PDGFC: variants seen among roughly 807,000 people sequenced by gnomAD.
PDGFC encodes platelet-derived growth factor C.
Under a neutral mutation model 35.5 loss-of-function variants are expected in PDGFC, and 12 were observed. That is an observed-to-expected ratio of 0.34 (90% CI 0.22 to 0.55). The LOEUF (loss-of-function observed/expected upper bound fraction) is 0.55, where lower values mean the gene tolerates loss of function less well. PDGFC is among the 20% of genes least tolerant of loss of function. The pLI is 0.91. For missense variants in PDGFC, 322 were observed against 412.4 expected (o/e 0.78, Z 1.90); for synonymous variants, 159 against 148.8 (o/e 1.07, Z -0.50).
At chr4:156,917,992 T>G (rs1731190329) in intron 1 of PDGFC, among the ~76,000 whole-genome samples, 1 of 152,208 alleles carries the variant, frequency 6.6e-6, no homozygotes, top group Admixed American at 6.5e-5. Flanking sequence ...GTGCATTTTG[T>G]TTTGGATCTT....
chr4:156,822,392 A>G (rs558030727), intron 2 of PDGFC, among the ~76,000 whole-genome samples: 1 of 151,802 alleles, frequency 6.6e-6, no homozygotes, highest in Non-Finnish European at 1.5e-5. Flanking sequence ...ATAGTAATAA[A>G]TTTAACCAAT....
intron 3 of PDGFC, among the ~76,000 whole-genome samples, chr4:156,801,704 C>T (rs531817531): frequency 6.6e-6 from 1 of 152,192 alleles, no homozygotes; most frequent in Non-Finnish European, 1.5e-5. Flanking sequence ...ATGAATTCCA[C>T]TAATAAAGAA....
At chr4:156,825,905 G>C (rs1404965396) in intron 2 of PDGFC, among the ~76,000 whole-genome samples, 1 of 148,214 alleles carries the variant, frequency 6.7e-6, no homozygotes, top group Non-Finnish European at 1.5e-5. Flanking sequence ...GTCTCACTCT[G>C]TCATCTAGAT....
intron 3 of PDGFC, among the ~76,000 whole-genome samples, chr4:156,804,851 G>T (rs1355924764): frequency 6.6e-6 from 1 of 151,972 alleles, no homozygotes; most frequent in African/African-American, 2.4e-5. Flanking sequence ...TTAAATCTTT[G>T]TGGCTTTAGC....
At chr4:156,816,249 CAAAT>C (rs1462626821) in intron 2 of PDGFC, among the ~76,000 whole-genome samples, 1 of 152,160 alleles carries the variant, frequency 6.6e-6, no homozygotes, top group Non-Finnish European at 1.5e-5. Flanking sequence ...ACCCTGCCAA[CAAAT>C]GAATGTGGAT....
At chr4:156,934,334 T>C (rs1731625796) in intron 1 of PDGFC, among the ~76,000 whole-genome samples, 1 of 152,196 alleles carries the variant, frequency 6.6e-6, no homozygotes, top group Non-Finnish European at 1.5e-5. Context: ...GTATTATATA[T>C]CTAAACATAG....
chr4:156,831,972 C>T (rs1728946962), intron 2 of PDGFC, among the ~76,000 whole-genome samples: 1 of 152,036 alleles, frequency 6.6e-6, no homozygotes, highest in Non-Finnish European at 1.5e-5. Flanking sequence ...GTTTTAATTC[C>T]ATGGTCTATT....
At chr4:156,920,608 C>T (rs575921458) in intron 1 of PDGFC, among the ~76,000 whole-genome samples, 1 of 150,274 alleles carries the variant, frequency 6.7e-6, no homozygotes, top group Non-Finnish European at 1.5e-5. Context: ...TGAGAATATA[C>T]AAATTCTGGT....
chr4:156,772,958 T>C, intron 3 of PDGFC, 65 bp from the exon 4 acceptor site: 4 of 1,067,762 alleles, frequency 3.7e-6, no homozygotes, highest in South Asian at 2.6e-5. Context: ...TCTGGACATA[T>C]GCAAGAAATT....
intron 1 of PDGFC, among the ~76,000 whole-genome samples, chr4:156,941,781 G>A (rs750403041): frequency 3.9e-5 from 6 of 151,968 alleles, no homozygotes; most frequent in African/African-American, 1.2e-4. Flanking sequence ...CCATATATTC[G>A]TTGAAGGAAT....
At chr4:156,828,779 T>C (rs1728855179) in intron 2 of PDGFC, among the ~76,000 whole-genome samples, 1 of 152,172 alleles carries the variant, frequency 6.6e-6, no homozygotes, top group Non-Finnish European at 1.5e-5. Flanking sequence ...TAAGCTTGTA[T>C]ATACTTTAAG....
chr4:156,764,656 C>T (rs1560801695), intron 5 of PDGFC, among the ~76,000 whole-genome samples: 1 of 152,278 alleles, frequency 6.6e-6, no homozygotes, highest in East Asian at 1.9e-4. Flanking sequence ...ATCTATTTCA[C>T]AATTCTAAAA....
intron 3 of PDGFC, among the ~76,000 whole-genome samples, chr4:156,794,671 T>C: frequency 6.6e-6 from 1 of 151,970 alleles, no homozygotes; most frequent in East Asian, 1.9e-4. Context: ...TATTAAAGGG[T>C]ATCATTCTAG....
intron 2 of PDGFC, among the ~76,000 whole-genome samples, chr4:156,824,285 CATATATATATATATATAT>C (rs58698115): frequency 0.018 from 1,639 of 92,878 alleles, 89 homozygotes; most frequent in Admixed American, 0.078. Flanking sequence ...ACAATGTAAG[CATATATATATATATATAT>C]ATATATATAT....
intron 1 of PDGFC, among the ~76,000 whole-genome samples, chr4:156,922,155 A>AGTGT (rs3070262): frequency 0.063 from 9,153 of 145,262 alleles, 318 homozygotes; most frequent in African/African-American, 0.084. Context: ...AAGGATTCAT[A>AGTGT]GTGTGTGTGT....
At chr4:156,838,386 C>T (rs1388919929) in intron 2 of PDGFC, among the ~76,000 whole-genome samples, 2 of 152,204 alleles carry the variant, frequency 1.3e-5, no homozygotes, top group African/African-American at 2.4e-5. Flanking sequence ...GCAATTGGCT[C>T]ACATATGGAT....
chr4:156,788,357 A>G (rs1466703795), intron 3 of PDGFC, among the ~76,000 whole-genome samples: 1 of 152,230 alleles, frequency 6.6e-6, no homozygotes, highest in East Asian at 1.9e-4. Context: ...AGGCCCTTTA[A>G]GAACTTGGCT....
intron 5 of PDGFC, among the ~76,000 whole-genome samples, chr4:156,765,208 T>G (rs542705228): frequency 6.6e-6 from 1 of 152,108 alleles, no homozygotes. Flanking sequence ...ATTTTGAAAG[T>G]TTTGACTTTG....
intron 3 of PDGFC, among the ~76,000 whole-genome samples, chr4:156,799,559 A>C (rs1252124362): frequency 1.3e-5 from 2 of 152,160 alleles, no homozygotes; most frequent in East Asian, 3.9e-4. Context: ...TGTTTAATAG[A>C]AGACAGCCTA....
Sources: allele counts gnomAD v4.1 joint callset (sites outside exome capture counted in the v4.1 genomes callset), GRCh38; gene constraint gnomAD v4.1.1; transcripts MANE v1.5; gene names NCBI Gene and HGNC (gene_info 2026-07-23, HGNC 2026-07-21).